PDE4D: variants seen among roughly 807,000 people sequenced by gnomAD.
The protein encoded by PDE4D is 3',5'-cyclic-AMP phosphodiesterase 4D.
Under a neutral mutation model 87.4 loss-of-function variants are expected in PDE4D, and 24 were observed. That is an observed-to-expected ratio of 0.27 (90% CI 0.20 to 0.39). The LOEUF (loss-of-function observed/expected upper bound fraction) is 0.39, where lower values mean the gene tolerates loss of function less well. Ranked by LOEUF, PDE4D falls within the 10% of genes least tolerant of loss-of-function variation. The probability of loss-of-function intolerance (pLI) is 1.00; values close to 1 mark genes in which losing one functional copy is unlikely to be tolerated. For missense variants in PDE4D, 714 were observed against 1,041.0 expected (o/e 0.69, Z 4.32); for synonymous variants, 384 against 383.2 (o/e 1.00, Z -0.02).
intron 1 of PDE4D, among the ~76,000 whole-genome samples, chr5:59,301,036 C>A (rs188675868): frequency 9.9e-4 from 150 of 152,236 alleles, no homozygotes; most frequent in Middle Eastern, 3.4e-3. Flanking sequence ...CATGCCTTAC[C>A]TGGCTGTGCC....
At chr5:60,054,538 G>A (rs1030114584) in intron 2 of PDE4D, among the ~76,000 whole-genome samples, 1 of 152,104 alleles carries the variant, frequency 6.6e-6, no homozygotes, top group African/African-American at 2.4e-5. Flanking sequence ...TCGGTGGGTG[G>A]AGACTAGGGG....
chr5:59,224,504 G>A (rs1331137971), intron 1 of PDE4D, among the ~76,000 whole-genome samples: 2 of 152,108 alleles, frequency 1.3e-5, no homozygotes, highest in Non-Finnish European at 2.9e-5. Context: ...AAATGAAAGA[G>A]GATAAGCTGG....
chr5:60,447,996 CTTA>C (rs1362790178), intron 1 of PDE4D, among the ~76,000 whole-genome samples: 4 of 152,070 alleles, frequency 2.6e-5, no homozygotes, highest in Admixed American at 6.6e-5. Flanking sequence ...CATGATTTTG[CTTA>C]TTATCATTCA....
chr5:59,773,627 A>G lies in PDE4D; in HGVS notation c.455+119541T>C, dbSNP rs6896428. On this transcript the variant is annotated intron_variant, in intron 1 of 14. Coordinates refer to ENST00000340635, the MANE Select transcript of PDE4D (RefSeq NM_001104631.2). ...ATATACCTGTCTTCTTTCAATATGA[A>G]GAAATTTTAATTAAACTCCATGATA... Among the ~76,000 whole-genome samples the G allele has an allele frequency of 1.8e-3, 278 of 152,284 alleles. 1 individual carries two copies. Among genetic ancestry groups the G allele is most frequent in the African/African-American group, 6.1e-3 (252 of 41,574 alleles).
intron 1 of PDE4D, among the ~76,000 whole-genome samples, chr5:59,715,887 C>G (rs934527025): frequency 1.3e-5 from 2 of 152,176 alleles, no homozygotes; most frequent in Non-Finnish European, 2.9e-5. Context: ...ACTGCTGTGG[C>G]CTCTGGGTCT....
At chr5:59,716,289 G>A (rs1024465801) in intron 1 of PDE4D, among the ~76,000 whole-genome samples, 1 of 152,214 alleles carries the variant, frequency 6.6e-6, no homozygotes, top group Non-Finnish European at 1.5e-5. Context: ...TGCTGACGCT[G>A]TACATACATC....
intron 1 of PDE4D, among the ~76,000 whole-genome samples, chr5:60,501,599 T>C (rs1470064406): frequency 2.6e-5 from 4 of 151,816 alleles, no homozygotes; most frequent in South Asian, 2.1e-4. Flanking sequence ...ATGGTTGAAC[T>C]GGTTTACAGT....
At chr5:60,192,795 C>G (rs1479747123) in intron 1 of PDE4D, among the ~76,000 whole-genome samples, 1 of 152,118 alleles carries the variant, frequency 6.6e-6, no homozygotes, top group African/African-American at 2.4e-5. Context: ...TTCTTGGCTT[C>G]TCAAATTTTC....
chr5:60,018,491 A>G (rs1765738944), intron 2 of PDE4D, among the ~76,000 whole-genome samples: 1 of 152,218 alleles, frequency 6.6e-6, no homozygotes, highest in Non-Finnish European at 1.5e-5. Context: ...ACATAACAAT[A>G]TTAACTTTAA....
intron 1 of PDE4D, among the ~76,000 whole-genome samples, chr5:59,864,024 T>C (rs1441454505): frequency 1.3e-5 from 2 of 152,184 alleles, no homozygotes; most frequent in Non-Finnish European, 2.9e-5. Flanking sequence ...AGCATCATTC[T>C]TCTGAGCTGG....
chr5:60,385,335 T>C (rs1033737511), intron 1 of PDE4D, among the ~76,000 whole-genome samples: 1 of 152,236 alleles, frequency 6.6e-6, no homozygotes, highest in Admixed American at 6.5e-5. Context: ...CAAGATATTA[T>C]ACAAAACCTG....
intron 1 of PDE4D, among the ~76,000 whole-genome samples, chr5:60,284,348 A>C (rs1251945979): frequency 6.6e-6 from 1 of 152,152 alleles, no homozygotes; most frequent in African/African-American, 2.4e-5. Context: ...TCTGGGTAAA[A>C]AGTCCCTGAG....
At chr5:60,319,266 G>A (rs1245958845) in intron 1 of PDE4D, among the ~76,000 whole-genome samples, 1 of 152,088 alleles carries the variant, frequency 6.6e-6, no homozygotes, top group African/African-American at 2.4e-5. Flanking sequence ...CTTTCTTCCA[G>A]TTGATCAAAT....
intron 1 of PDE4D, chr5:60,430,107 C>T (rs954297406): frequency 6.7e-5 from 35 of 524,482 alleles, no homozygotes; most frequent in African/African-American, 6.5e-4. Flanking sequence ...CTGGAGTTCC[C>T]ATCTCCTTCA....
intron 1 of PDE4D, among the ~76,000 whole-genome samples, chr5:59,232,827 T>TAC (rs750492331): frequency 8.0e-5 from 8 of 100,010 alleles, no homozygotes; most frequent in South Asian, 3.2e-4. Context: ...TATATATATA[T>TAC]ACACACACAC....
intron 1 of PDE4D, among the ~76,000 whole-genome samples, chr5:60,305,844 C>G (rs1583364368): frequency 6.6e-6 from 1 of 151,846 alleles, no homozygotes; most frequent in East Asian, 1.9e-4. Flanking sequence ...CACACACACA[C>G]ATAGTTATAA....
At chr5:60,258,488 A>G (rs1749325902) in intron 1 of PDE4D, among the ~76,000 whole-genome samples, 2 of 152,056 alleles carry the variant, frequency 1.3e-5, no homozygotes, top group Non-Finnish European at 2.9e-5. Flanking sequence ...GTGAACTTGC[A>G]ATGAATTTGG....
chr5:60,233,591 CATAAT>C (rs1746071172), intron 1 of PDE4D, among the ~76,000 whole-genome samples: 1 of 150,926 alleles, frequency 6.6e-6, no homozygotes, highest in African/African-American at 2.4e-5. Context: ...GAAATTTTAA[CATAAT>C]AGAATAGGAA....
At chr5:59,483,823 T>C (rs2153657266) in intron 1 of PDE4D, among the ~76,000 whole-genome samples, 1 of 152,318 alleles carries the variant, frequency 6.6e-6, no homozygotes, top group Non-Finnish European at 1.5e-5. Context: ...TAGGGACACC[T>C]TTGCTGCTCC....
Sources: allele counts gnomAD v4.1 joint callset (sites outside exome capture counted in the v4.1 genomes callset), GRCh38; gene constraint gnomAD v4.1.1; transcripts MANE v1.5; gene names NCBI Gene and HGNC (gene_info 2026-07-23, HGNC 2026-07-21).